Variants in SNX29 observed in about 807,000 individuals in gnomAD.
SNX29 encodes sorting nexin-29.
In SNX29, 78 loss-of-function variants were observed where a neutral mutation model predicts 102.1. The observed-to-expected ratio is 0.76, with a 90% CI of 0.64 to 0.92. SNX29 has a LOEUF of 0.92. Ranked by LOEUF, SNX29 falls within the 40% of genes least tolerant of loss-of-function variation. SNX29 has a pLI of 0.00. For synonymous variants in SNX29, 580 were observed against 414.5 expected (o/e 1.40, Z -4.85); for missense variants, 1,280 against 1,061.7 (o/e 1.21, Z -2.86).
At chr16:12,357,806 C>T (rs776859380) in intron 16 of SNX29, among the ~76,000 whole-genome samples, 1 of 152,312 alleles carries the variant, frequency 6.6e-6, no homozygotes, top group South Asian at 2.1e-4. Context: ...CTCTCTCTCT[C>T]CCCTTCTCTC....
intron 20 of SNX29, among the ~76,000 whole-genome samples, chr16:12,532,616 C>G (rs1270112600): frequency 1.3e-5 from 2 of 152,180 alleles, no homozygotes; most frequent in Non-Finnish European, 2.9e-5. Context: ...TTTGGAAACA[C>G]TCTTTGGGAT....
rs145417069 is a variant in SNX29, at chr16:12,050,773, G to A, written c.749-1074G>A. On this transcript the variant is annotated intron_variant, in intron 7 of 20. Coordinates refer to ENST00000566228, the MANE Select transcript of SNX29 (RefSeq NM_032167.5). ...GTCACCCAGACTGGAGTGCAATGGC[G>A]CAATCTTGGCTCACTGCAACCTCTG... Among the ~76,000 whole-genome samples, 777 of 151,938 alleles carry A rather than the reference G, an allele frequency of 5.1e-3. 13 individuals are homozygous for A. Among genetic ancestry groups the A allele is most frequent in the African/African-American group, 0.017 (711 of 41,408 alleles).
chr16:12,495,812 G>T (rs1312220199), intron 19 of SNX29, among the ~76,000 whole-genome samples: 1 of 152,152 alleles, frequency 6.6e-6, no homozygotes, highest in Non-Finnish European at 1.5e-5. Context: ...CCAGCACTTT[G>T]GGAGACCAAG....
intron 14 of SNX29, among the ~76,000 whole-genome samples, chr16:12,214,930 A>T (rs1344117877): frequency 6.6e-6 from 1 of 152,186 alleles, no homozygotes; most frequent in Non-Finnish European, 1.5e-5. Context: ...ATTAGCCAGG[A>T]TATAAGGTCA....
chr16:12,552,880 T>G (rs1198745685), intron 20 of SNX29, among the ~76,000 whole-genome samples: 1 of 152,152 alleles, frequency 6.6e-6, no homozygotes, highest in Non-Finnish European at 1.5e-5. Context: ...TGGGGAGACA[T>G]GGACATGGAG....
At chr16:12,020,794 T>G (rs1285563792) in intron 3 of SNX29, among the ~76,000 whole-genome samples, 3 of 152,046 alleles carry the variant, frequency 2.0e-5, no homozygotes, top group African/African-American at 7.2e-5. Flanking sequence ...CAGCTAATTT[T>G]TGTATTTTTA....
At chr16:12,556,441 C>T (rs561304527) in intron 20 of SNX29, 5 of 152,364 alleles carry the variant, frequency 3.3e-5, no homozygotes, top group South Asian at 4.1e-4. Context: ...TGTGAAGAAA[C>T]TCCAAGGAAC....
intron 16 of SNX29, among the ~76,000 whole-genome samples, chr16:12,389,890 C>T (rs890499526): frequency 1.3e-5 from 2 of 152,220 alleles, no homozygotes; most frequent in Non-Finnish European, 2.9e-5. Flanking sequence ...ATTGACTCTT[C>T]AAACCTTGTT....
chr16:12,543,859 A>G (rs569015496), intron 20 of SNX29, among the ~76,000 whole-genome samples: 3 of 152,208 alleles, frequency 2.0e-5, no homozygotes. Context: ...CAGTGGTGGA[A>G]CATCCTCTTA....
At chr16:12,380,876 T>TCCACCCACCATCCATCCAC (rs1567503497) in intron 16 of SNX29, among the ~76,000 whole-genome samples, 55 of 27,860 alleles carry the variant, frequency 2.0e-3, no homozygotes, top group Middle Eastern at 0.028. Context: ...CATCTATCCA[T>TCCACCCACCATCCATCCAC]CCACCCACCA....
At position 12,561,201 on chromosome 16, in the gene SNX29, G is replaced by A. The variant is rs909288126; in HGVS notation, c.2319-7305G>A. On this transcript the variant is annotated intron_variant, in intron 20 of 20. Transcript: ENST00000566228. ...TGGCATGCTCTGATACTGCCCATCA[G>A]GACCCCCGCAGCCATGCAGTACAGA... 12 of 230,558 alleles carry A rather than the reference G, an allele frequency of 5.2e-5. 1 individual carries two copies. In the East Asian group the frequency reaches 7.4e-4, roughly 14 times the overall value. 14.3% of individuals were successfully genotyped at this position (230,558 alleles called of 1,614,324 possible).
intron 14 of SNX29, among the ~76,000 whole-genome samples, chr16:12,245,103 A>G (rs562113957): frequency 5.9e-5 from 9 of 152,288 alleles, no homozygotes; most frequent in Non-Finnish European, 1.2e-4. Flanking sequence ...TTACTCCTAA[A>G]TGGTATATTT....
In SNX29 at chr16:12,496,812, C is replaced by G. The variant is rs9931746; in HGVS notation, c.2178+18953C>G. 3.1e-3 allele frequency among the ~76,000 whole-genome samples: 477 copies of G among 152,214 alleles called. 6 individuals are homozygous for G. The highest frequency in any genetic ancestry group is 0.011 in the African/African-American group (447 of 41,516). On this transcript the variant is annotated intron_variant, in intron 19 of 20. Coordinates refer to ENST00000566228, the MANE Select transcript of SNX29 (RefSeq NM_032167.5). ...GGTTCCCTGCAGGGTTCGGGGAAGACATTTTGGAGCAGGTGATTTTTTTTC... is the reference window on the plus strand; with the variant it reads ...GGTTCCCTGCAGGGTTCGGGGAAGAGATTTTGGAGCAGGTGATTTTTTTTC...
chr16:12,244,314 A>G (rs1415692091), intron 14 of SNX29, among the ~76,000 whole-genome samples: 2 of 152,128 alleles, frequency 1.3e-5, no homozygotes, highest in Admixed American at 6.5e-5. Context: ...TTTTTCCTTG[A>G]TAAAATCATA....
chr16:12,363,704 C>T (rs1372418365), intron 16 of SNX29, among the ~76,000 whole-genome samples: 1 of 152,078 alleles, frequency 6.6e-6, no homozygotes, highest in Non-Finnish European at 1.5e-5. Flanking sequence ...AATGATAATT[C>T]GGAAAAAAGA....
At chr16:12,231,768 C>T (rs1244256256) in intron 14 of SNX29, among the ~76,000 whole-genome samples, 2 of 152,190 alleles carry the variant, frequency 1.3e-5, no homozygotes, top group Non-Finnish European at 2.9e-5. Context: ...AACAGGCCCT[C>T]TTGGCCACTC....
At chr16:12,567,904 C>G (rs528746903) in intron 20 of SNX29, among the ~76,000 whole-genome samples, 1 of 152,168 alleles carries the variant, frequency 6.6e-6, no homozygotes, top group Non-Finnish European at 1.5e-5. Flanking sequence ...AGACCCATGC[C>G]CTGGGACCCA....
At chr16:12,360,893 T>C (rs1020625232) in intron 16 of SNX29, among the ~76,000 whole-genome samples, 1 of 152,178 alleles carries the variant, frequency 6.6e-6, no homozygotes, top group African/African-American at 2.4e-5. Flanking sequence ...AGTCATTCTG[T>C]GAGTGTGTAT....
At chr16:12,404,652 T>C (rs947573877) in intron 18 of SNX29, among the ~76,000 whole-genome samples, 3 of 152,178 alleles carry the variant, frequency 2.0e-5, no homozygotes, top group Non-Finnish European at 4.4e-5. Flanking sequence ...TATTAAGATA[T>C]TTTTCCCCAA....
Sources: allele counts gnomAD v4.1 joint callset (sites outside exome capture counted in the v4.1 genomes callset), GRCh38; gene constraint gnomAD v4.1.1; transcripts MANE v1.5; gene names NCBI Gene and HGNC (gene_info 2026-07-23, HGNC 2026-07-21).